EEFSEC: variants seen among roughly 807,000 people sequenced by gnomAD.
EEFSEC encodes the protein eukaryotic elongation factor, selenocysteine-tRNA specific.
EEFSEC carries 43 observed loss-of-function variants against 42.1 expected under a neutral mutation model. The observed-to-expected ratio is 1.02, with a 90% confidence interval of 0.80 to 1.32. The LOEUF (loss-of-function observed/expected upper bound fraction) is 1.32, where lower values mean the gene tolerates loss of function less well. Ranked by LOEUF, EEFSEC falls within the 40% of genes most tolerant of loss-of-function variation. The pLI, the probability that EEFSEC is intolerant of heterozygous loss-of-function variation, is 0.00. For missense variants in EEFSEC, 745 were observed against 803.6 expected, an observed-to-expected ratio of 0.93 and a Z score of 0.88; for synonymous variants, 354 against 339.1, an observed-to-expected ratio of 1.04 and a Z score of -0.48.
chr3:128,383,702 C>T (rs750194011), intron 6 of EEFSEC, among the ~76,000 whole-genome samples: 46 of 152,208 alleles, frequency 3.0e-4, no homozygotes, highest in South Asian at 4.1e-4. Flanking sequence ...TTCCTGGCCT[C>T]GTGCCAGGCC....
intron 3 of EEFSEC, 67 bp from the exon 4 acceptor site, chr3:128,264,550 C>T (rs1157921308): frequency 1.3e-6 from 2 of 1,543,954 alleles, no homozygotes; most frequent in South Asian, 1.2e-5. Context: ...ACATTCTCTG[C>T]CTTCCTCTGC....
intron 4 of EEFSEC, among the ~76,000 whole-genome samples, chr3:128,331,792 C>T (rs1486309492): frequency 6.6e-6 from 1 of 152,082 alleles, no homozygotes; most frequent in African/African-American, 2.4e-5. Flanking sequence ...ATTTAAAGGC[C>T]TGCAGCCTCA....
intron 6 of EEFSEC, among the ~76,000 whole-genome samples, chr3:128,386,483 G>C (rs939620203): frequency 3.3e-5 from 5 of 152,108 alleles, no homozygotes; most frequent in South Asian, 2.1e-4. Context: ...CAGGCAGTGG[G>C]GGGGGGATGC....
intron 1 of EEFSEC, among the ~76,000 whole-genome samples, chr3:128,176,294 A>G (rs1466457265): frequency 1.3e-5 from 2 of 152,082 alleles, no homozygotes; most frequent in Non-Finnish European, 2.9e-5. Flanking sequence ...TTGGAGAGAA[A>G]CTAAATTAAT....
At chr3:128,321,656 G>A (rs1053874138) in intron 4 of EEFSEC, among the ~76,000 whole-genome samples, 5 of 152,148 alleles carry the variant, frequency 3.3e-5, no homozygotes, top group African/African-American at 1.2e-4. Flanking sequence ...TGCCTACTGT[G>A]CCCCTCATCC....
intron 6 of EEFSEC, 66 bp from the exon 7 acceptor site, chr3:128,408,003 G>A (rs547019542): frequency 1.0e-4 from 144 of 1,435,302 alleles, no homozygotes; most frequent in South Asian, 8.2e-4. Flanking sequence ...CAGCAGGTGC[G>A]CGGGCAGGGA....
chr3:128,355,064 A>G (rs1015327262), intron 5 of EEFSEC, among the ~76,000 whole-genome samples: 1 of 151,880 alleles, frequency 6.6e-6, no homozygotes, highest in Non-Finnish European at 1.5e-5. Flanking sequence ...ATGTATTTCT[A>G]CCTCCCGGCG....
chr3:128,293,593 G>A (rs948314436), intron 4 of EEFSEC, among the ~76,000 whole-genome samples: 8 of 149,806 alleles, frequency 5.3e-5, no homozygotes, highest in Admixed American at 6.7e-5. Flanking sequence ...CCCAGGAGGC[G>A]GAGGATGCAG....
Position 128,388,072 on chromosome 3 carries a change from C to T in EEFSEC, c.1601-19997C>T, listed in dbSNP as rs538660935. Among the ~76,000 whole-genome samples the T allele has an allele frequency of 1.4e-4, 22 of 152,382 alleles. No individual in the cohort carries two copies. In the East Asian group the frequency reaches 4.2e-3, roughly 29 times the overall value. On this transcript the variant is annotated intron_variant, in intron 6 of 6. Transcript: ENST00000254730. The stretch of plus-strand genomic sequence containing the variant: ...CTGGGGTTGCCCTGTCCAGAGCCTA[C>T]ACCCACCAGGTCCTCACTCTGAACT...
intron 1 of EEFSEC, among the ~76,000 whole-genome samples, chr3:128,236,700 G>C (rs897105399): frequency 6.6e-6 from 1 of 152,136 alleles, no homozygotes; most frequent in Non-Finnish European, 1.5e-5. Flanking sequence ...GCATGTGGAG[G>C]CTTTGCACTT....
At chr3:128,307,542 C>T (rs2066844323) in intron 4 of EEFSEC, among the ~76,000 whole-genome samples, 1 of 152,204 alleles carries the variant, frequency 6.6e-6, no homozygotes, top group Admixed American at 6.5e-5. Context: ...ACCCTATGTC[C>T]ACTTGGTCTC....
chr3:128,231,607 G>A (rs1371499680), intron 1 of EEFSEC, among the ~76,000 whole-genome samples: 1 of 152,194 alleles, frequency 6.6e-6, no homozygotes, highest in Non-Finnish European at 1.5e-5. Context: ...TCCAACTCAG[G>A]CTGGCCCTCC....
intron 4 of EEFSEC, among the ~76,000 whole-genome samples, chr3:128,299,683 A>G (rs1347200611): frequency 6.6e-6 from 1 of 152,168 alleles, no homozygotes; most frequent in Non-Finnish European, 1.5e-5. Context: ...GGTCCAGGCC[A>G]ACAGCTGACT....
chr3:128,377,474 C>T (rs531114783), intron 6 of EEFSEC, among the ~76,000 whole-genome samples: 1 of 152,280 alleles, frequency 6.6e-6, no homozygotes, highest in Non-Finnish European at 1.5e-5. Context: ...TGGAGATGCT[C>T]CAAGATATAA....
At chr3:128,293,673 A>AC (rs1206907932) in intron 4 of EEFSEC, among the ~76,000 whole-genome samples, 5 of 9,642 alleles carry the variant, frequency 5.2e-4, no homozygotes, top group African/African-American at 4.7e-4. Flanking sequence ...AAAAAAAAAA[A>AC]AAAAAAAAAA....
At chr3:128,240,084 G>T (rs1345404946) in intron 1 of EEFSEC, among the ~76,000 whole-genome samples, 1 of 152,236 alleles carries the variant, frequency 6.6e-6, no homozygotes, top group East Asian at 1.9e-4. Context: ...GCCCAGGTGG[G>T]TGCTAGGTCA....
intron 6 of EEFSEC, among the ~76,000 whole-genome samples, chr3:128,399,605 C>A (rs1171179294): frequency 6.6e-6 from 1 of 152,174 alleles, no homozygotes; most frequent in East Asian, 1.9e-4. Context: ...CCCCAGCCAG[C>A]GACGTTAAAG....
chr3:128,413,977 G>A, the EEFSEC span, among the ~76,000 whole-genome samples: 2 of 151,094 alleles, frequency 1.3e-5, no homozygotes, highest in Non-Finnish European at 2.9e-5. Context: ...GCCGCCGAGG[G>A]GCCGCTGGGC....
At chr3:128,274,993 G>A (rs2066452769) in intron 4 of EEFSEC, among the ~76,000 whole-genome samples, 1 of 152,232 alleles carries the variant, frequency 6.6e-6, no homozygotes, top group African/African-American at 2.4e-5. Flanking sequence ...CAAGGGGTGA[G>A]ATGGATGCGG....
Sources: gnomAD v4.1 joint callset for allele counts (sites outside exome capture counted in the v4.1 genomes callset) on GRCh38, gnomAD v4.1.1 for gene constraint, MANE v1.5 for transcripts, NCBI Gene and HGNC (gene_info 2026-07-23, HGNC 2026-07-21) for gene names.